HIVEP3: variants seen among roughly 807,000 people sequenced by gnomAD.
The protein encoded by HIVEP3 is HIVEP zinc finger 3.
HIVEP3 carries 49 observed loss-of-function variants against 152.8 expected under a neutral mutation model. The ratio of observed to expected loss-of-function variants is 0.32; its 90% CI spans 0.26 to 0.41. The LOEUF is 0.41. Among genes scored for constraint, HIVEP3 ranks in the 10% least tolerant of loss-of-function variants. The pLI, the probability that HIVEP3 is intolerant of heterozygous loss-of-function variation, is 1.00. For synonymous variants in HIVEP3, 1,269 were observed against 1,289.0 expected, an observed-to-expected ratio of 0.98 and a Z score of 0.33; for missense variants, 2,790 against 3,103.3, an observed-to-expected ratio of 0.90 and a Z score of 2.40.
At chr1:41,562,655 T>C (rs1056606826) in intron 5 of HIVEP3, among the ~76,000 whole-genome samples, 6 of 150,674 alleles carry the variant, frequency 4.0e-5, no homozygotes, top group Non-Finnish European at 8.9e-5. Context: ...CTTTCTTTCT[T>C]TCTTTCTTTT....
intron 1 of HIVEP3, among the ~76,000 whole-genome samples, chr1:41,740,834 C>T (rs767028839): frequency 6.6e-6 from 1 of 152,182 alleles, no homozygotes; most frequent in African/African-American, 2.4e-5. Context: ...CCCAAGCAAC[C>T]CCCTGCCCTC....
At chr1:41,937,998 G>A (rs1347800768) in intron 1 of HIVEP3, among the ~76,000 whole-genome samples, 1 of 152,206 alleles carries the variant, frequency 6.6e-6, no homozygotes, top group African/African-American at 2.4e-5. Context: ...TGTGTCTGGG[G>A]TGTGTCACCA....
chr1:41,825,245 A>G (rs1642764588), intron 1 of HIVEP3, among the ~76,000 whole-genome samples: 1 of 152,148 alleles, frequency 6.6e-6, no homozygotes, highest in South Asian at 2.1e-4. Context: ...AGGATGTTAC[A>G]AAGTACATTC....
intron 2 of HIVEP3, among the ~76,000 whole-genome samples, chr1:41,673,882 C>T (rs74071905): frequency 6.6e-6 from 1 of 152,216 alleles, no homozygotes; most frequent in Non-Finnish European, 1.5e-5. Flanking sequence ...AAAAGCATCA[C>T]GTTAGGTGCC....
chr1:41,594,531 T>C (rs1212258942), intron 3 of HIVEP3, among the ~76,000 whole-genome samples: 1 of 152,236 alleles, frequency 6.6e-6, no homozygotes, highest in Non-Finnish European at 1.5e-5. Flanking sequence ...CGATATCTTA[T>C]GTTTTAAAAC....
chr1:41,834,211 G>A (rs1400717645), intron 1 of HIVEP3, among the ~76,000 whole-genome samples: 1 of 152,114 alleles, frequency 6.6e-6, no homozygotes, highest in Non-Finnish European at 1.5e-5. Flanking sequence ...AGGGGTGATG[G>A]CCATCTGGGT....
At chr1:41,575,284 G>A (rs1644309146) in intron 5 of HIVEP3, among the ~76,000 whole-genome samples, 1 of 152,164 alleles carries the variant, frequency 6.6e-6, no homozygotes, top group Non-Finnish European at 1.5e-5. Context: ...AAAATGAGGG[G>A]CTGGAGAAAG....
At chr1:41,967,044 C>A (rs548657012) in intron 1 of HIVEP3, among the ~76,000 whole-genome samples, 1 of 152,236 alleles carries the variant, frequency 6.6e-6, no homozygotes, top group South Asian at 2.1e-4. Flanking sequence ...CACCCAGATT[C>A]ATAAAATAAG....
intron 2 of HIVEP3, among the ~76,000 whole-genome samples, chr1:41,674,353 C>G (rs1645922175): frequency 6.6e-6 from 1 of 152,230 alleles, no homozygotes; most frequent in African/African-American, 2.4e-5. Flanking sequence ...GATGGCCTTC[C>G]CACGAATGTA....
In HIVEP3 at chr1:41,584,018, T is replaced by G; in HGVS notation, c.780A>C (p.Pro260=). ...GGATCCGCTCCATCTCCAGCCCATGTGGGTACATCTCGCCACCCATGCCTG... is the reference window on the plus strand; with the variant it reads ...GGATCCGCTCCATCTCCAGCCCATGGGGGTACATCTCGCCACCCATGCCTG... ...LASGMGGEMY[P]HGLEMERIPG... is the part of the protein sequence containing the mutation. The change falls in exon 4 of 9, where the codon CCA becomes CCC. Residue 260 remains proline (P), a synonymous_variant. Transcript: ENST00000372583. This position sits in a 1 kb window ranked among gnomAD's most constrained non-coding sequence, Gnocchi z 5.2. 1 of 1,614,152 alleles carries G rather than the reference T, an allele frequency of 6.2e-7. No homozygotes were observed. The highest frequency in any genetic ancestry group is 8.5e-7 in the Non-Finnish European group (1 of 1,180,006).
chr1:41,600,152 C>A (rs1370799591), intron 3 of HIVEP3, among the ~76,000 whole-genome samples: 1 of 152,190 alleles, frequency 6.6e-6, no homozygotes, highest in African/African-American at 2.4e-5. Flanking sequence ...ATGGAAAACA[C>A]TGTGGTAGTT....
At chr1:41,692,968 C>T (rs148105704) in intron 2 of HIVEP3, among the ~76,000 whole-genome samples, 7 of 152,352 alleles carry the variant, frequency 4.6e-5, no homozygotes, top group Non-Finnish European at 7.3e-5. Flanking sequence ...AGTAGGGGCC[C>T]AACCCTCTGC....
intron 5 of HIVEP3, among the ~76,000 whole-genome samples, chr1:41,526,456 G>GA (rs1642916467): frequency 1.5e-5 from 1 of 66,608 alleles, no homozygotes; most frequent in African/African-American, 6.2e-5. Context: ...TCACACACAT[G>GA]CTCACACCCC....
At chr1:41,864,329 T>C (rs1174960476) in intron 1 of HIVEP3, among the ~76,000 whole-genome samples, 1 of 152,094 alleles carries the variant, frequency 6.6e-6, no homozygotes, top group East Asian at 1.9e-4. Flanking sequence ...CAGACAATCA[T>C]CTCCCCATCC....
At chr1:41,569,428 C>T (rs1301994296) in intron 5 of HIVEP3, among the ~76,000 whole-genome samples, 1 of 152,194 alleles carries the variant, frequency 6.6e-6, no homozygotes, top group African/African-American at 2.4e-5. Flanking sequence ...ATCCAAAAGG[C>T]TCCAACTTAT....
chr1:41,746,462 C>T (rs1027171472), intron 1 of HIVEP3, among the ~76,000 whole-genome samples: 1 of 152,186 alleles, frequency 6.6e-6, no homozygotes, highest in Non-Finnish European at 1.5e-5. Flanking sequence ...AGTCACATTC[C>T]TTCCAATAAG....
At chr1:41,703,853 A>G (rs528393532) in intron 1 of HIVEP3, among the ~76,000 whole-genome samples, 1 of 152,252 alleles carries the variant, frequency 6.6e-6, no homozygotes, top group Non-Finnish European at 1.5e-5. Context: ...GGAGTCCCCC[A>G]GTTCCTTGCT....
At chr1:41,610,414 C>T (rs1428404153) in intron 3 of HIVEP3, among the ~76,000 whole-genome samples, 1 of 152,224 alleles carries the variant, frequency 6.6e-6, no homozygotes, top group Admixed American at 6.5e-5. Flanking sequence ...TCTCATTCAC[C>T]ATTACATCCC....
At position 41,510,619 on chromosome 1, in the gene HIVEP3, G is replaced by A; in HGVS notation, c.7053C>T (p.Arg2351=). ...CTGCCAGGCAGCCCACAGAGCTGCTGCGGTCCAGCGGCGGGGTGGCAGAAG... is the reference window on the plus strand; with the variant it reads ...CTGCCAGGCAGCCCACAGAGCTGCTACGGTCCAGCGGCGGGGTGGCAGAAG... ...PEPSATPPLD[R]SSSVGCLAEA... Residue 2351 remains arginine, a synonymous_variant, in exon 9 of 9, where the codon CGC becomes CGT. Coordinates refer to ENST00000372583, the MANE Select transcript of HIVEP3 (RefSeq NM_024503.5). The A allele has an allele frequency of 6.5e-7, 1 of 1,550,240 alleles. No homozygotes were observed. The highest frequency in any genetic ancestry group is 2.4e-5 in the East Asian group (1 of 41,206).
Sources: allele counts gnomAD v4.1 joint callset (sites outside exome capture counted in the v4.1 genomes callset), GRCh38; gene constraint gnomAD v4.1.1; non-coding constraint Gnocchi (gnomAD v3.1); transcripts MANE v1.5; gene names NCBI Gene and HGNC (gene_info 2026-07-23, HGNC 2026-07-21).